The following ABCE1 variants were observed in gnomAD, a reference collection of about 807,000 sequenced individuals.
ABCE1 encodes ATP binding cassette subfamily E member 1, also known as ATP-binding cassette sub-family E member 1.
ABCE1 carries 22 observed loss-of-function variants against 83.4 expected under a neutral mutation model. The ratio of observed to expected loss-of-function variants is 0.26; its 90% CI spans 0.19 to 0.38. The LOEUF is 0.38. Ranked by LOEUF, ABCE1 falls within the 10% of genes least tolerant of loss-of-function variation. The pLI is 1.00. For synonymous variants in ABCE1, 204 were observed against 233.7 expected (o/e 0.87, Z 1.16); for missense variants, 330 against 721.9 (o/e 0.46, Z 6.22).
At chr4:145,127,388 A>G (rs1749914989) in intron 17 of ABCE1, 138 bp from the exon 18 acceptor site, 3 of 702,784 alleles carry the variant, frequency 4.3e-6, no homozygotes, top group South Asian at 1.9e-5. Flanking sequence ...AGGAATATCC[A>G]GAAACAGATG....
rs1749244938 is a variant in ABCE1 at position 145,104,512 on chromosome 4, A to T, written c.100A>T (p.Met34Leu). The T allele has an allele frequency of 6.3e-7, 1 of 1,582,424 alleles. No individual in the cohort carries two copies. Residue 34 changes from methionine (M) to leucine (L), a missense_variant, in exon 2 of 18, where the codon ATG (methionine) becomes TTG (leucine). Met to Leu is a conservative substitution (Grantham distance 15). Transcript: ENST00000296577. ...ECKKSCPVVR[M>L]GKLCIEVTPQ... Reference sequence around the variant, plus strand: ...CAAAAAGAGTTGTCCTGTAGTTCGAATGGGTAAGCTGTTCTGTGGATCATT... The same window carrying T: ...CAAAAAGAGTTGTCCTGTAGTTCGATTGGGTAAGCTGTTCTGTGGATCATT...
chr4:145,112,338 G>T lies in ABCE1; in HGVS notation c.800+10G>T, dbSNP rs370857287. 1.3e-6 allele frequency: 2 copies of T among 1,513,072 alleles called. No homozygotes were observed. Among genetic ancestry groups the T allele is most frequent in the African/African-American group, 2.8e-5 (2 of 71,678 alleles). 93.7% of individuals were successfully genotyped at this position (1,513,072 alleles called of 1,614,324 possible). On this transcript the variant is annotated intron_variant, in intron 9 of 17. Transcript: ENST00000296577. ...TAATAAATCCAGATAGGTAAGTAGA[G>T]ATCTGGCATATTACTGTGTTGTTTT... is the stretch of plus-strand genomic sequence containing the variant.
intron 10 of ABCE1, among the ~76,000 whole-genome samples, 175 bp from the exon 11 acceptor site, chr4:145,119,757 T>A (rs1749693906): frequency 1.3e-5 from 2 of 151,966 alleles, no homozygotes; most frequent in African/African-American, 4.8e-5. Context: ...ATTCATGAAT[T>A]ATTTAAACTT....
chr4:145,118,752 C>T (rs1749668482), intron 10 of ABCE1, among the ~76,000 whole-genome samples: 2 of 151,932 alleles, frequency 1.3e-5, no homozygotes, highest in South Asian at 4.1e-4. Flanking sequence ...TAGTTTTTCT[C>T]TGTTCCTTTA....
chr4:145,120,954 T>A (rs1749723415), intron 11 of ABCE1: 1 of 508,148 alleles, frequency 2.0e-6, no homozygotes, highest in East Asian at 3.3e-5. Context: ...AAAATTGTCA[T>A]AAGCTTTGAC....
chr4:145,123,009 T>C lies in ABCE1; in HGVS notation c.1264-12T>C. 2 of 1,509,770 alleles carry C rather than the reference T, an allele frequency of 1.3e-6. No homozygotes were observed. The highest frequency in any genetic ancestry group is 1.8e-6 in the Non-Finnish European group (2 of 1,114,222). The allele number at this position is 1,509,770 out of a possible 1,614,324, so 93.5% of individuals were successfully genotyped here. A position where few individuals can be genotyped will look rare whatever the true frequency, so the allele number is the denominator to read the frequency against. Reference sequence around the variant, plus strand: ...AGTTTATCATTTAAATACTTTTTTATATTAAAAACAGGGAAGTGTTCGCCA... The same window carrying C: ...AGTTTATCATTTAAATACTTTTTTACATTAAAAACAGGGAAGTGTTCGCCA... On this transcript the variant is annotated splice_polypyrimidine_tract_variant and intron_variant, in intron 13 of 17. Coordinates refer to ENST00000296577, the MANE Select transcript of ABCE1 (RefSeq NM_002940.3).
chr4:145,118,191 T>C (rs953578370), intron 10 of ABCE1, among the ~76,000 whole-genome samples: 1 of 151,220 alleles, frequency 6.6e-6, no homozygotes, highest in Non-Finnish European at 1.5e-5. Flanking sequence ...CTCCTAGAAG[T>C]AGAAAAATTC....
rs367850740 is a variant in ABCE1 at position 145,123,394 on chromosome 4, A to T, written c.1517+37A>T. On this transcript the variant is annotated intron_variant, in intron 15 of 17. Coordinates refer to ENST00000296577, the MANE Select transcript of ABCE1 (RefSeq NM_002940.3). ...GCTCCTAGCCATATTTTGATTATGT[A>T]TACTGTCCTACAAGTGTGCTTAATA... 15 of 1,596,980 alleles carry T rather than the reference A, an allele frequency of 9.4e-6. No homozygotes were observed. The African/African-American group carries it at 1.9e-4, about 20-fold the overall frequency.
At chr4:145,109,910 A>G (rs1034645262) in intron 5 of ABCE1, among the ~76,000 whole-genome samples, 193 bp from the exon 6 acceptor site, 13 of 152,168 alleles carry the variant, frequency 8.5e-5, no homozygotes, top group Non-Finnish European at 1.6e-4. Context: ...TTTGAATAAC[A>G]TAATATCTGT....
chr4:145,121,733 C>T (rs780816085), intron 13 of ABCE1: 19 of 198,604 alleles, frequency 9.6e-5, no homozygotes, highest in Non-Finnish European at 1.9e-4. Flanking sequence ...ACTAGCCGAG[C>T]GTGGTGGCAG....
At chr4:145,104,343 C>T (rs1749240101) in intron 1 of ABCE1, 43 bp from the exon 2 acceptor site, 5 of 893,702 alleles carry the variant, frequency 5.6e-6, no homozygotes, top group Admixed American at 2.5e-5. Context: ...CAAATTAGTT[C>T]CCTTAACTAA....
At chr4:145,121,132 C>G in intron 11 of ABCE1, 42 bp from the exon 12 acceptor site, 1 of 1,601,032 alleles carries the variant, frequency 6.2e-7, no homozygotes, top group Non-Finnish European at 8.5e-7. Context: ...CTTTAAACGT[C>G]AAGCATCTTT....
At position 145,105,708 on chromosome 4, in the gene ABCE1, T is replaced by C. The variant is rs1351772259; in HGVS notation, c.189+18T>C. The C allele has an allele frequency of 1.3e-6, 2 of 1,534,584 alleles. No individual in the cohort carries two copies. The highest frequency in any genetic ancestry group is 1.7e-5 in the Admixed American group (1 of 57,874). On this transcript the variant is annotated intron_variant, in intron 3 of 17. Transcript: ENST00000296577. ...GTATTAAGGTAAGTAATATTTTATTTACTGGATCAAACGTGTAACCTAAAA... is the reference window on the plus strand; with the variant it reads ...GTATTAAGGTAAGTAATATTTTATTCACTGGATCAAACGTGTAACCTAAAA...
At chr4:145,121,830 T>C (rs1749755052) in intron 13 of ABCE1, 1 of 157,448 alleles carries the variant, frequency 6.4e-6, no homozygotes, top group South Asian at 1.9e-4. Flanking sequence ...GGAGATTGCA[T>C]CACTACACTC....
chr4:145,120,837 A>C (rs1749720836), intron 11 of ABCE1, among the ~76,000 whole-genome samples: 1 of 152,188 alleles, frequency 6.6e-6, no homozygotes, highest in Non-Finnish European at 1.5e-5. Flanking sequence ...GTTATCTTTC[A>C]TAAAACAGTC....
chr4:145,121,525 A>T (rs1560964742), intron 13 of ABCE1, 134 bp downstream of exon 13: 1 of 660,916 alleles, frequency 1.5e-6, no homozygotes, highest in African/African-American at 1.8e-5. Flanking sequence ...AAACAAATGT[A>T]TTAAGAGTCC....
At chr4:145,122,714 A>C (rs1016719914) in intron 13 of ABCE1, 1 of 193,442 alleles carries the variant, frequency 5.2e-6, no homozygotes, top group Admixed American at 5.6e-5. Context: ...TAGAGGCTGA[A>C]GTGGGAGGAT....
intron 17 of ABCE1, among the ~76,000 whole-genome samples, chr4:145,126,209 C>CTTTA (rs1167634798): frequency 1.3e-5 from 2 of 152,152 alleles, no homozygotes; most frequent in Non-Finnish European, 2.9e-5. Context: ...GTATTTGTTT[C>CTTTA]TTAAAAGGCA....
chr4:145,104,566 T>G (rs1341039971), intron 2 of ABCE1, 51 bp downstream of exon 2: 1 of 1,225,304 alleles, frequency 8.2e-7, no homozygotes, highest in African/African-American at 1.6e-5. Flanking sequence ...ATGAAAGAAA[T>G]CAACTGGTTT....
Sources: allele counts gnomAD v4.1 joint callset (sites outside exome capture counted in the v4.1 genomes callset), GRCh38; gene constraint gnomAD v4.1.1; transcripts MANE v1.5; gene names NCBI Gene and HGNC (gene_info 2026-07-23, HGNC 2026-07-21).